OR2G6: variants seen among roughly 807,000 people sequenced by gnomAD.
OR2G6 encodes olfactory receptor family 2 subfamily G member 6.
For missense variants in OR2G6, 457 were observed against 391.3 expected (o/e 1.17, Z -1.42); for synonymous variants, 183 against 155.2 (o/e 1.18, Z -1.33).
intron 1 of OR2G6, among the ~76,000 whole-genome samples, chr1:248,520,867 T>TATAAAAATATATATATATAC (rs1489063352): frequency 7.5e-6 from 1 of 133,110 alleles, no homozygotes; most frequent in Non-Finnish European, 1.5e-5. Flanking sequence ...TATATATATA[T>TATAAAAATATATATATATAC]ATAAAAATAT....
Position 248,522,144 on chromosome 1 carries a change from G to GC in OR2G6, c.502dup (p.Leu168ProfsTer13), listed in dbSNP as rs1558372337. ...TTCAGTGCTCCCTCACTGTGCAGCT[G>GC]CCCCTCTGTGGTCATCGCACACTGG... On this transcript the variant is annotated frameshift_variant, in exon 2 of 2. Transcript: ENST00000641804. LOFTEE classifies it low-confidence loss of function (END_TRUNC). The GC allele has an allele frequency of 6.2e-7, 1 of 1,614,022 alleles. No homozygotes were observed. The highest frequency in any genetic ancestry group is 2.2e-5 in the East Asian group (1 of 44,884).
rs181047250 is a variant in OR2G6, at chr1:248,523,314, T to G, written c.*717T>G. ...AATATTAAGAGTTGTGATGCTTTGGTTCCACAGAATTGTGGGATGCAAATA... is the reference window on the plus strand; with the variant it reads ...AATATTAAGAGTTGTGATGCTTTGGGTCCACAGAATTGTGGGATGCAAATA... On this transcript the variant is annotated 3_prime_UTR_variant, in exon 2 of 2. Coordinates refer to ENST00000641804, the MANE Select transcript of OR2G6 (RefSeq NM_001013355.2). 6.6e-6 allele frequency: 1 copy of G among 152,152 alleles called. No individual in the cohort carries two copies. Among genetic ancestry groups the G allele is most frequent in the Non-Finnish European group, 1.5e-5 (1 of 68,016 alleles). The allele number at this position is 152,152 out of a possible 1,614,324, so 9.4% of individuals were successfully genotyped here.
At chr1:248,520,895 AATTAGCGGG>A (rs1478523414) in intron 1 of OR2G6, among the ~76,000 whole-genome samples, 1 of 136,500 alleles carries the variant, frequency 7.3e-6, no homozygotes, top group East Asian at 2.0e-4. Context: ...TACACACAAA[AATTAGCGGG>A]CATGGGGCCT....
chr1:248,508,961 TAA>T lies in OR2G6; in HGVS notation c.-37+533_-37+534del. ...AGGTGATTATTGTAGCAAAACATTTTAAGTTTTATTGAGATCGTTTGTCATGT... is the reference window on the plus strand; with the variant it reads ...AGGTGATTATTGTAGCAAAACATTTTGTTTTATTGAGATCGTTTGTCATGT... On this transcript the variant is annotated intron_variant, in intron 1 of 1. Coordinates refer to ENST00000641804, the MANE Select transcript of OR2G6 (RefSeq NM_001013355.2). Among the ~76,000 whole-genome samples the T allele has an allele frequency of 1.6e-5, 2 of 127,914 alleles. 1 individual carries two copies. Among genetic ancestry groups the T allele is most frequent in the East Asian group, 6.1e-4 (2 of 3,296 alleles). The allele number at this position is 127,914 out of a possible 152,430, so 83.9% of individuals were successfully genotyped here. A position where few individuals can be genotyped will look rare whatever the true frequency, so the allele number is the denominator to read the frequency against.
At position 248,523,158 on chromosome 1, in the gene OR2G6, T is replaced by C. The variant is rs1664326398; in HGVS notation, c.*561T>C. Reference sequence around the variant, plus strand: ...CATTTGAGATATATGTATACATATATCTCTAACTAGGCAAAGCAATGTATA... The same window carrying C: ...CATTTGAGATATATGTATACATATACCTCTAACTAGGCAAAGCAATGTATA... On this transcript the variant is annotated 3_prime_UTR_variant, in exon 2 of 2. Transcript: ENST00000641804. The C allele has an allele frequency of 6.5e-6, 1 of 153,574 alleles. No homozygotes were observed. The highest frequency in any genetic ancestry group is 2.4e-5 in the African/African-American group (1 of 41,452). The allele number at this position is 153,574 out of a possible 1,614,324, so 9.5% of individuals were successfully genotyped here. A position where few individuals can be genotyped will look rare whatever the true frequency, so the allele number is the denominator to read the frequency against.
chr1:248,520,152 T>C (rs1490194884), intron 1 of OR2G6, among the ~76,000 whole-genome samples: 1 of 152,170 alleles, frequency 6.6e-6, no homozygotes, highest in Non-Finnish European at 1.5e-5. Context: ...GAAACCATCA[T>C]TTTCAGCAAA....
At position 248,523,091 on chromosome 1, in the gene OR2G6, GTTTCC is replaced by G; in HGVS notation, c.*495_*499del. On this transcript the variant is annotated 3_prime_UTR_variant, in exon 2 of 2. Coordinates refer to ENST00000641804, the MANE Select transcript of OR2G6 (RefSeq NM_001013355.2). ...TGCAGAATTAACTGTTTCATAATAT[GTTTCC>G]ATAGCACTTGATCCACACTACCATT... 13 of 154,888 alleles carry G rather than the reference GTTTCC, an allele frequency of 8.4e-5. No individual in the cohort carries two copies. Among genetic ancestry groups the G allele is most frequent in the South Asian group, 4.0e-4 (2 of 5,014 alleles). 9.6% of individuals were successfully genotyped at this position (154,888 alleles called of 1,614,324 possible).
chr1:248,521,873 G>T lies in OR2G6; in HGVS notation c.227G>T (p.Ser76Ile), dbSNP rs201706458. 1.2e-6 allele frequency: 2 copies of T among 1,614,100 alleles called. No individual in the cohort carries two copies. The highest frequency in any genetic ancestry group is 2.7e-5 in the African/African-American group (2 of 75,016). The change falls in exon 2 of 2, where the codon AGT becomes ATT. Residue 76 changes from serine to isoleucine, a missense_variant. Ser to Ile is a moderately radical substitution (Grantham distance 142). Transcript: ENST00000641804. ...TGTGTGGACATCTGCTTTACCACCA[G>T]TGTTGCCCCACAGTTGCTGGTTACC... ...LSCVDICFTTSVAPQLLVTMN... is the reference protein window; with the variant it reads ...LSCVDICFTTIVAPQLLVTMN...
At position 248,520,343 on chromosome 1, in the gene OR2G6, C is replaced by T. The variant is rs986328275; in HGVS notation, c.-36-1268C>T. Among the ~76,000 whole-genome samples, 12 of 152,216 alleles carry T rather than the reference C, an allele frequency of 7.9e-5. 1 individual carries two copies. Among genetic ancestry groups the T allele is most frequent in the East Asian group, 3.9e-4 (2 of 5,180 alleles). On this transcript the variant is annotated intron_variant, in intron 1 of 1. Transcript: ENST00000641804. ...CCTAACATAGATGACAATTTGATGG[C>T]TGCAGGAAACCACCATGGCATGTGT...
At position 248,522,013 on chromosome 1, in the gene OR2G6, T is replaced by G; in HGVS notation, c.367T>G (p.Tyr123Asp). ...ILLAVMAYDRYAAVCRPLRYI... is the reference protein window; with the variant it reads ...ILLAVMAYDRDAAVCRPLRYI... ...CTTGGCCGTCATGGCTTATGACCGC[T>G]ATGCTGCTGTCTGCCGGCCACTGCG... The change falls in exon 2 of 2, where the codon TAT becomes GAT. Residue 123 changes from tyrosine (Y) to aspartate (D), a missense_variant. Coordinates refer to ENST00000641804, the MANE Select transcript of OR2G6 (RefSeq NM_001013355.2). 6.2e-7 allele frequency: 1 copy of G among 1,614,192 alleles called. No individual in the cohort carries two copies. The highest frequency in any genetic ancestry group is 8.5e-7 in the Non-Finnish European group (1 of 1,180,026).
Position 248,521,664 on chromosome 1 carries a change from C to G in OR2G6, c.18C>G (p.Asn6Lys). The G allele has an allele frequency of 6.2e-7, 1 of 1,613,132 alleles. No homozygotes were observed. Among genetic ancestry groups the G allele is most frequent in the East Asian group, 2.2e-5 (1 of 44,888 alleles). Reference sequence around the variant, plus strand: ...CAGGAAAAATGGAGGAAACCAACAACAGCTCTGAAAAGGGATTTCTTCTCC... The same window carrying G: ...CAGGAAAAATGGAGGAAACCAACAAGAGCTCTGAAAAGGGATTTCTTCTCC... MEETN[N>K]SSEKGFLLLG... The change falls in exon 2 of 2, where the codon AAC (asparagine) becomes AAG (lysine). Residue 6 changes from asparagine (N) to lysine (K), a missense_variant. By Grantham distance (94) the Asn-to-Lys change is moderately conservative (BLOSUM62 0). Coordinates refer to ENST00000641804, the MANE Select transcript of OR2G6 (RefSeq NM_001013355.2).
chr1:248,520,654 C>G (rs1405327122), intron 1 of OR2G6, among the ~76,000 whole-genome samples: 1 of 152,006 alleles, frequency 6.6e-6, no homozygotes, highest in Non-Finnish European at 1.5e-5. Context: ...AGGTGGATCA[C>G]TTGAGGTCAG....
chr1:248,521,551 C>T (rs115995806), intron 1 of OR2G6, 60 bp from the exon 2 acceptor site: 44 of 851,180 alleles, frequency 5.2e-5, no homozygotes, highest in African/African-American at 3.9e-4. Context: ...ATACTGTAAA[C>T]GACTGTGGAT....
At chr1:248,520,367 G>A (rs769647654) in intron 1 of OR2G6, among the ~76,000 whole-genome samples, 6 of 152,192 alleles carry the variant, frequency 3.9e-5, no homozygotes, top group African/African-American at 1.4e-4. Context: ...CATGGCATGT[G>A]TATACTTATG....
chr1:248,521,577 C>T, intron 1 of OR2G6, 34 bp from the exon 2 acceptor site: 1 of 1,095,010 alleles, frequency 9.1e-7, no homozygotes, highest in Non-Finnish European at 1.4e-6. Flanking sequence ...TTCTTGACCT[C>T]ATTACTTTCT....
chr1:248,526,801 G>A lies in OR2G6; in HGVS notation c.*4204G>A, dbSNP rs142143416. On this transcript the variant is annotated 3_prime_UTR_variant, in exon 2 of 2. Coordinates refer to ENST00000641804, the MANE Select transcript of OR2G6 (RefSeq NM_001013355.2). ...TGTGGGCTGCATAAATATCTTTTGA[G>A]AAGTGTCTGTTCATATCTTTCGCCC... 169 of 152,126 alleles carry A rather than the reference G, an allele frequency of 1.1e-3. No individual in the cohort carries two copies. Among genetic ancestry groups the A allele is most frequent in the African/African-American group, 3.9e-3 (161 of 41,490 alleles). The allele number at this position is 152,126 out of a possible 1,614,324, so 9.4% of individuals were successfully genotyped here. A position where few individuals can be genotyped will look rare whatever the true frequency, so the allele number is the denominator to read the frequency against.
In OR2G6 at chr1:248,522,500, TA is replaced by T. The variant is rs764101393; in HGVS notation, c.857del (p.Asn286ThrfsTer7). 6.2e-7 allele frequency: 1 copy of T among 1,613,768 alleles called. No homozygotes were observed. The highest frequency in any genetic ancestry group is 8.5e-7 in the Non-Finnish European group (1 of 1,179,920). ...SLFYTIVTPL[L>X]NPIIYTLRNK... ...TTCTATACCATAGTCACCCCACTTTTAAACCCCATTATCTACACTCTGAGAA... is the reference window on the plus strand; with the variant it reads ...TTCTATACCATAGTCACCCCACTTTTAACCCCATTATCTACACTCTGAGAA... On this transcript the variant is annotated frameshift_variant, in exon 2 of 2. Coordinates refer to ENST00000641804, the MANE Select transcript of OR2G6 (RefSeq NM_001013355.2). LOFTEE classifies it low-confidence loss of function (END_TRUNC).
At chr1:248,509,225 T>G (rs1450218515) in intron 1 of OR2G6, among the ~76,000 whole-genome samples, 1 of 13,580 alleles carries the variant, frequency 7.4e-5, no homozygotes, top group African/African-American at 5.0e-4. Context: ...GAAGAAATAC[T>G]TGATACACGG....
rs1299127763 is a variant in OR2G6, at chr1:248,523,669, TAA to T, written c.*1073_*1074del. On this transcript the variant is annotated 3_prime_UTR_variant, in exon 2 of 2. Coordinates refer to ENST00000641804, the MANE Select transcript of OR2G6 (RefSeq NM_001013355.2). ...TTGACCAAACTTTTACTTTCTGATT[TAA>T]TTCTGTCTCTATCTCTCTGTGTATC... 2 of 27,924 alleles carry T rather than the reference TAA, an allele frequency of 7.2e-5. No individual in the cohort carries two copies. The highest frequency in any genetic ancestry group is 5.2e-4 in the South Asian group (1 of 1,934). 1.7% of individuals were successfully genotyped at this position (27,924 alleles called of 1,614,324 possible).
Sources: gnomAD v4.1 joint callset for allele counts (sites outside exome capture counted in the v4.1 genomes callset) on GRCh38, gnomAD v4.1.1 for gene constraint, MANE v1.5 for transcripts, NCBI Gene and HGNC (gene_info 2026-07-23, HGNC 2026-07-21) for gene names.